MGAT1: variants seen among roughly 807,000 people sequenced by gnomAD.
MGAT1 encodes alpha-1,3-mannosyl-glycoprotein 2-beta-N-acetylglucosaminyltransferase, also known as N-glycosyl-oligosaccharide-glycoprotein N-acetylglucosaminyltransferase I.
A neutral mutation model predicts 31.7 loss-of-function variants in MGAT1; 14 were observed. That is an observed-to-expected ratio of 0.44 (90% CI 0.29 to 0.69). MGAT1 has a LOEUF of 0.69. Among genes scored for constraint, MGAT1 ranks in the 30% least tolerant of loss-of-function variants. The pLI is 0.12. For missense variants in MGAT1, 557 were observed against 626.0 expected (o/e 0.89, Z 1.18); for synonymous variants, 338 against 276.0 (o/e 1.22, Z -2.23).
rs1298838458 is a variant in MGAT1, at chr5:180,785,510, C to A, written c.*6124G>T. On this transcript the variant is annotated 3_prime_UTR_variant, in exon 2 of 2. Transcript: ENST00000307826. Reference sequence around the variant, plus strand: ...GGGTGACGGTGGCCGTGGGCCACTCCCCAGAACCCTCCAGCAAGGGGCTCA... The same window carrying A: ...GGGTGACGGTGGCCGTGGGCCACTCACCAGAACCCTCCAGCAAGGGGCTCA... 1 of 152,296 alleles carries A rather than the reference C, an allele frequency of 6.6e-6. No individual in the cohort carries two copies. Among genetic ancestry groups the A allele is most frequent in the Non-Finnish European group, 1.5e-5 (1 of 68,120 alleles). The allele number at this position is 152,296 out of a possible 1,614,324, so 9.4% of individuals were successfully genotyped here. A position where few individuals can be genotyped will look rare whatever the true frequency, so the allele number is the denominator to read the frequency against.
chr5:180,795,445 T>C, intron 1 of MGAT1: 1 of 152,166 alleles, frequency 6.6e-6, no homozygotes, highest in Non-Finnish European at 1.5e-5. Flanking sequence ...AAAGGTGGAA[T>C]ATGGACAGTA....
chr5:180,794,615 A>G (rs1436414632), intron 1 of MGAT1, among the ~76,000 whole-genome samples: 1 of 152,198 alleles, frequency 6.6e-6, no homozygotes, highest in African/African-American at 2.4e-5. Flanking sequence ...TATAATAATT[A>G]CGTAGCTATG....
At chr5:180,808,288 G>A (rs1320699590) in intron 2 of MGAT1, among the ~76,000 whole-genome samples, 1 of 152,112 alleles carries the variant, frequency 6.6e-6, no homozygotes, top group Non-Finnish European at 1.5e-5. Flanking sequence ...CCTCTGCCTA[G>A]GTAATCCATT....
At chr5:180,814,166 T>C (rs1421216760) in intron 1 of MGAT1, among the ~76,000 whole-genome samples, 1 of 152,246 alleles carries the variant, frequency 6.6e-6, no homozygotes, top group African/African-American at 2.4e-5. Context: ...TTTCCTGGGC[T>C]TCTCCTTACC....
intron 1 of MGAT1, among the ~76,000 whole-genome samples, chr5:180,800,161 G>A (rs1256198968): frequency 1.3e-5 from 2 of 152,208 alleles, no homozygotes; most frequent in Non-Finnish European, 2.9e-5. Flanking sequence ...GAGAGAAACA[G>A]ACTCTAGATA....
intron 1 of MGAT1, among the ~76,000 whole-genome samples, chr5:180,811,925 C>G (rs1205171151): frequency 6.6e-6 from 1 of 152,190 alleles, no homozygotes; most frequent in Non-Finnish European, 1.5e-5. Flanking sequence ...CTGAACCCTT[C>G]AGCTCTTTCA....
Position 180,785,088 on chromosome 5 carries a change from G to T in MGAT1, c.*6546C>A, listed in dbSNP as rs1767482656. On this transcript the variant is annotated 3_prime_UTR_variant, in exon 2 of 2. Coordinates refer to ENST00000307826, the MANE Select transcript of MGAT1 (RefSeq NM_002406.4). ...ATAAAATTGAAAAAAAGTTTTGGAA[G>T]GAAAAAATATTCCCATCCTTTAATT... 6.6e-6 allele frequency: 1 copy of T among 152,012 alleles called. No individual in the cohort carries two copies. The highest frequency in any genetic ancestry group is 1.5e-5 in the Non-Finnish European group (1 of 67,996). 9.4% of individuals were successfully genotyped at this position (152,012 alleles called of 1,614,324 possible). A position where few individuals can be genotyped will look rare whatever the true frequency, so the allele number is the denominator to read the frequency against.
rs757834418 is a variant in MGAT1 at position 180,792,874 on chromosome 5, G to A, written c.98C>T (p.Ala33Val). 2.5e-6 allele frequency: 4 copies of A among 1,588,070 alleles called. No individual in the cohort carries two copies. In the Admixed American group the frequency reaches 7.2e-5, roughly 28 times the overall value. ...LLLLFFWTRP[A>V]PGRPPSVSAL... ...GCTGACTGAGGGTGGCCTGCCAGGT[G>A]CTGGGCGCGTCCAGAAGAAGAGGAG... is the stretch of plus-strand genomic sequence containing the variant. Residue 33 changes from alanine to valine, a missense_variant, in exon 2 of 2, where the codon GCA becomes GTA. Physicochemically the swap from Ala to Val is moderately conservative, Grantham distance 64. Around this residue, in one of 3 missense-constraint regions of MGAT1, gnomAD observed 167 missense variants for 149.8 expected, o/e 1.11. Transcript: ENST00000307826.
chr5:180,814,700 G>T (rs1400999096), intron 1 of MGAT1, among the ~76,000 whole-genome samples: 1 of 152,130 alleles, frequency 6.6e-6, no homozygotes, highest in South Asian at 2.1e-4. Context: ...TCAGCACTTT[G>T]GGAGGCTGAG....
upstream of MGAT1, among the ~76,000 whole-genome samples, chr5:180,803,131 G>A (rs1351589766): frequency 2.6e-5 from 4 of 152,106 alleles, no homozygotes; most frequent in African/African-American, 4.8e-5. Flanking sequence ...AAGTGGGCCC[G>A]CAGTCCAGGA....
In MGAT1 at chr5:180,785,488, T is replaced by C. The variant is rs918030202; in HGVS notation, c.*6146A>G. On this transcript the variant is annotated 3_prime_UTR_variant, in exon 2 of 2. Coordinates refer to ENST00000307826, the MANE Select transcript of MGAT1 (RefSeq NM_002406.4). ...CCCTGTGGGTGACGGTGGCCATGGG[T>C]GACGGTGGCCGTGGGCCACTCCCCA... The C allele has an allele frequency of 6.6e-6, 1 of 152,276 alleles. No individual in the cohort carries two copies. Among genetic ancestry groups the C allele is most frequent in the African/African-American group, 2.4e-5 (1 of 41,452 alleles). The allele number at this position is 152,276 out of a possible 1,614,324, so 9.4% of individuals were successfully genotyped here.
At chr5:180,814,550 A>T (rs923124112) in intron 1 of MGAT1, among the ~76,000 whole-genome samples, 2 of 152,120 alleles carry the variant, frequency 1.3e-5, no homozygotes, top group African/African-American at 4.8e-5. Flanking sequence ...TTCTCATTTT[A>T]CACTTTCTTT....
chr5:180,796,222 A>G (rs918359711), intron 1 of MGAT1, among the ~76,000 whole-genome samples: 2 of 152,090 alleles, frequency 1.3e-5, no homozygotes, highest in Non-Finnish European at 1.5e-5. Flanking sequence ...AAGGGCCTCT[A>G]AAGAGACATG....
intron 1 of MGAT1, chr5:180,795,700 C>T (rs759414732): frequency 2.0e-5 from 3 of 152,226 alleles, no homozygotes; most frequent in Non-Finnish European, 4.4e-5. Context: ...GCTATTTCCA[C>T]ACGAAGTTTC....
intron 2 of MGAT1, among the ~76,000 whole-genome samples, chr5:180,808,288 G>C (rs1320699590): frequency 6.6e-6 from 1 of 152,112 alleles, no homozygotes; most frequent in Non-Finnish European, 1.5e-5. Context: ...CCTCTGCCTA[G>C]GTAATCCATT....
At chr5:180,807,999 G>C (rs910822406) in intron 2 of MGAT1, among the ~76,000 whole-genome samples, 1 of 152,198 alleles carries the variant, frequency 6.6e-6, no homozygotes, top group African/African-American at 2.4e-5. Flanking sequence ...CAACTTGTAA[G>C]GGACCTGGAA....
intron 1 of MGAT1, chr5:180,810,338 G>C (rs1264293003): frequency 4.6e-5 from 7 of 152,350 alleles, no homozygotes; most frequent in Admixed American, 2.0e-4. Flanking sequence ...CAGGGCCTGA[G>C]ACTGTTCTAC....
upstream of MGAT1, among the ~76,000 whole-genome samples, chr5:180,805,996 A>G (rs941078823): frequency 5.3e-5 from 8 of 152,190 alleles, no homozygotes; most frequent in African/African-American, 1.9e-4. Flanking sequence ...TTGAGTTAAA[A>G]TACACACACG....
At chr5:180,807,360 G>C (rs1240806784), upstream of MGAT1, among the ~76,000 whole-genome samples, 1 of 152,166 alleles carries the variant, frequency 6.6e-6, no homozygotes, top group African/African-American at 2.4e-5. Flanking sequence ...TTGTCCCTGG[G>C]AAAAGCAGGC....
Sources: gnomAD v4.1 joint callset for allele counts (sites outside exome capture counted in the v4.1 genomes callset) on GRCh38, gnomAD v4.1.1 for gene constraint, gnomAD v4.1.1 regional missense constraint, MANE v1.5 for transcripts, NCBI Gene and HGNC (gene_info 2026-07-23, HGNC 2026-07-21) for gene names.